ZC3H14: variants seen among roughly 807,000 people sequenced by gnomAD.
The protein encoded by ZC3H14 is zinc finger CCCH-type containing 14, also known as zinc finger CCCH domain-containing protein 14.
Under a neutral mutation model 92.4 loss-of-function variants are expected in ZC3H14, and 31 were observed. The ratio of observed to expected loss-of-function variants is 0.34; its 90% CI spans 0.25 to 0.45. The LOEUF (loss-of-function observed/expected upper bound fraction) is 0.45, where lower values mean the gene tolerates loss of function less well. Among genes scored for constraint, ZC3H14 ranks in the 20% least tolerant of loss-of-function variants. The pLI is 1.00. For synonymous variants in ZC3H14, 321 were observed against 300.9 expected, an observed-to-expected ratio of 1.07 and a Z score of -0.69; for missense variants, 781 against 897.3, an observed-to-expected ratio of 0.87 and a Z score of 1.66.
At chr14:88,603,198 C>G in intron 12 of ZC3H14, 138 bp downstream of exon 12, 1 of 839,456 alleles carries the variant, frequency 1.2e-6, no homozygotes, top group Non-Finnish European at 2.0e-6. Flanking sequence ...TTCTTTCAGA[C>G]AAACCCACCA....
chr14:88,569,402 A>C (rs920127414), intron 3 of ZC3H14, among the ~76,000 whole-genome samples: 1 of 152,092 alleles, frequency 6.6e-6, no homozygotes, highest in Non-Finnish European at 1.5e-5. Flanking sequence ...AAGTTTTTTT[A>C]AGTTTGGAAT....
chr14:88,626,948 G>T lies in ZC3H14; in HGVS notation c.*15197G>T, dbSNP rs1371129294. ...CCTGCCAGGGTCCAGAACTTCACAT[G>T]TTTTACTCCCACTGAGACAAACTGG... On this transcript the variant is annotated 3_prime_UTR_variant, in exon 17 of 17. Transcript: ENST00000251038. The T allele has an allele frequency of 1.9e-6, 3 of 1,613,916 alleles. No homozygotes were observed. The South Asian group carries it at 3.3e-5, about 18-fold the overall frequency.
Position 88,619,719 on chromosome 14 carries a change from C to A in ZC3H14, c.*7968C>A, listed in dbSNP as rs1429008728. 2 of 151,964 alleles carry A rather than the reference C, an allele frequency of 1.3e-5. No individual in the cohort carries two copies. Among genetic ancestry groups the A allele is most frequent in the African/African-American group, 2.4e-5 (1 of 41,342 alleles). The allele number at this position is 151,964 out of a possible 1,614,324, so 9.4% of individuals were successfully genotyped here. A position where few individuals can be genotyped will look rare whatever the true frequency, so the allele number is the denominator to read the frequency against. The stretch of plus-strand genomic sequence containing the variant: ...TTTTGAGACGAAGTCTCGCTCTTGT[C>A]TCCCAGGCTGGAGTGCGATGGCGCA... On this transcript the variant is annotated 3_prime_UTR_variant, in exon 17 of 17. Transcript: ENST00000251038.
Position 88,572,604 on chromosome 14 carries a change from C to G in ZC3H14, c.458C>G (p.Thr153Ser). 2 of 1,614,116 alleles carry G rather than the reference C, an allele frequency of 1.2e-6. No individual in the cohort carries two copies. Among genetic ancestry groups the G allele is most frequent in the Non-Finnish European group, 1.7e-6 (2 of 1,180,028 alleles). Residue 153 changes from threonine (T) to serine (S), a missense_variant, in exon 6 of 17, where the codon ACC becomes AGC. Thr to Ser is a moderately conservative substitution (Grantham distance 58, BLOSUM62 1). Coordinates refer to ENST00000251038, the MANE Select transcript of ZC3H14 (RefSeq NM_024824.5). ...VRQTYDDGAA[T>S]RLMSTVKPLR... ...CAGACTTACGATGATGGAGCTGCAACCCGACTAATGTCAACAGTGAAACCT... is the reference window on the plus strand; with the variant it reads ...CAGACTTACGATGATGGAGCTGCAAGCCGACTAATGTCAACAGTGAAACCT...
In ZC3H14 at chr14:88,620,607, A is replaced by G. The variant is rs1286075457; in HGVS notation, c.*8856A>G. ...AGCAAGAAGAATTAAGTAGTATACAAACAGCCATATTTTAGCATACAATTT... is the reference window on the plus strand; with the variant it reads ...AGCAAGAAGAATTAAGTAGTATACAGACAGCCATATTTTAGCATACAATTT... On this transcript the variant is annotated 3_prime_UTR_variant, in exon 17 of 17. Transcript: ENST00000251038. The surrounding 1 kb of genome is among the most constrained non-coding windows in gnomAD (Gnocchi z 4.3). The G allele has an allele frequency of 1.6e-6, 1 of 642,464 alleles. No homozygotes were observed. The highest frequency in any genetic ancestry group is 2.4e-6 in the Non-Finnish European group (1 of 415,388). The allele number at this position is 642,464 out of a possible 1,614,324, so 39.8% of individuals were successfully genotyped here.
chr14:88,592,565 G>A (rs1270670400), intron 9 of ZC3H14, among the ~76,000 whole-genome samples: 2 of 127,812 alleles, frequency 1.6e-5, no homozygotes, highest in Non-Finnish European at 3.1e-5. Context: ...CAGTGGCGCA[G>A]TCTCACTCAC....
At chr14:88,608,330 C>T in intron 13 of ZC3H14, 1 of 479,656 alleles carries the variant, frequency 2.1e-6, no homozygotes, top group South Asian at 1.6e-5. Flanking sequence ...CCCATCTCAT[C>T]CTGCAAGTGA....
chr14:88,600,929 T>C (rs1415453969), intron 10 of ZC3H14, among the ~76,000 whole-genome samples: 2 of 152,144 alleles, frequency 1.3e-5, no homozygotes, highest in African/African-American at 4.8e-5. Flanking sequence ...GCCCCTTTCC[T>C]TCTACGTGCG....
At chr14:88,563,483 C>CTGGAG in intron 1 of ZC3H14, 168 bp from the exon 2 acceptor site, 1 of 1,504,218 alleles carries the variant, frequency 6.6e-7, no homozygotes, top group Non-Finnish European at 8.8e-7. Flanking sequence ...GGGGCTGGAG[C>CTGGAG]TGGAGTGGGG....
intron 13 of ZC3H14, chr14:88,608,259 T>TC (rs1235684280): frequency 2.8e-6 from 1 of 352,920 alleles, no homozygotes; most frequent in South Asian, 2.0e-5. Context: ...GTGAATACCA[T>TC]CCCCATCTCA....
intron 2 of ZC3H14, among the ~76,000 whole-genome samples, chr14:88,566,366 C>G (rs530924025): frequency 8.5e-5 from 13 of 152,098 alleles, no homozygotes; most frequent in Non-Finnish European, 1.8e-4. Context: ...CAAGACCAAA[C>G]AGTTTGAGAA....
chr14:88,594,140 C>T (rs534201465), intron 9 of ZC3H14, among the ~76,000 whole-genome samples: 9 of 152,112 alleles, frequency 5.9e-5, no homozygotes, highest in Non-Finnish European at 1.0e-4. Context: ...ATGTTATATA[C>T]TAATTTCAAG....
rs1306599874 is a variant in ZC3H14 at position 88,624,773 on chromosome 14, G to GA, written c.*13029dup. 5 of 613,220 alleles carry GA rather than the reference G, an allele frequency of 8.2e-6. No homozygotes were observed. Among genetic ancestry groups the GA allele is most frequent in the Non-Finnish European group, 1.3e-5 (5 of 370,390 alleles). The allele number at this position is 613,220 out of a possible 1,614,324, so 38.0% of individuals were successfully genotyped here. A position where few individuals can be genotyped will look rare whatever the true frequency, so the allele number is the denominator to read the frequency against. On this transcript the variant is annotated 3_prime_UTR_variant, in exon 17 of 17. Transcript: ENST00000251038. Reference sequence around the variant, plus strand: ...CTCAGAAAAAGTATCACCCCAACATGAAAAAAATTGGAAGTGAATTAAGAC... The same window carrying GA: ...CTCAGAAAAAGTATCACCCCAACATGAAAAAAAATTGGAAGTGAATTAAGAC...
In ZC3H14 at chr14:88,618,185, C is replaced by T. The variant is rs199662255; in HGVS notation, c.*6434C>T. 1 of 1,537,022 alleles carries T rather than the reference C, an allele frequency of 6.5e-7. No individual in the cohort carries two copies. Among genetic ancestry groups the T allele is most frequent in the East Asian group, 2.3e-5 (1 of 44,434 alleles). On this transcript the variant is annotated 3_prime_UTR_variant, in exon 17 of 17. Transcript: ENST00000251038. ...TTCAGAAATAGGATTTTCTAACTGGCCTTCAAAGTCAGTTCTTGCCTTGTG... is the reference window on the plus strand; with the variant it reads ...TTCAGAAATAGGATTTTCTAACTGGTCTTCAAAGTCAGTTCTTGCCTTGTG...
Position 88,609,707 on chromosome 14 carries a change from G to T in ZC3H14, c.2006-5G>T, listed in dbSNP as rs763619950. 68 of 1,614,004 alleles carry T rather than the reference G, an allele frequency of 4.2e-5. 1 individual carries two copies. In the East Asian group the frequency reaches 1.5e-3, roughly 36 times the overall value. On this transcript the variant is annotated splice_region_variant and splice_polypyrimidine_tract_variant and intron_variant, in intron 14 of 16. Transcript: ENST00000251038. ...GGAGATCAGTCCTGGTTTTTATTTT[G>T]TTAGCAGTTGCACCACCAGCACCAC...
chr14:88,568,651 A>G (rs1304384951), intron 3 of ZC3H14, among the ~76,000 whole-genome samples: 1 of 152,206 alleles, frequency 6.6e-6, no homozygotes, highest in Non-Finnish European at 1.5e-5. Flanking sequence ...GTGGGGACAC[A>G]GAGCCAAACC....
chr14:88,616,998 A>C lies in ZC3H14; in HGVS notation c.*5247A>C. On this transcript the variant is annotated 3_prime_UTR_variant, in exon 17 of 17. Coordinates refer to ENST00000251038, the MANE Select transcript of ZC3H14 (RefSeq NM_024824.5). The stretch of plus-strand genomic sequence containing the variant: ...CTATCATGTTACTTAAAATACAGGA[A>C]GTAAATTATGGTAAGTTGTTTGGAG... The C allele has an allele frequency of 1.1e-6, 1 of 895,724 alleles. No individual in the cohort carries two copies. Among genetic ancestry groups the C allele is most frequent in the South Asian group, 2.3e-5 (1 of 43,672 alleles). 55.5% of individuals were successfully genotyped at this position (895,724 alleles called of 1,614,324 possible).
intron 9 of ZC3H14, among the ~76,000 whole-genome samples, chr14:88,596,379 T>C (rs971979344): frequency 2.6e-5 from 4 of 152,278 alleles, no homozygotes; most frequent in African/African-American, 7.2e-5. Flanking sequence ...GCCATGCTTA[T>C]TGTGCAGTTG....
chr14:88,603,392 C>A (rs778654512), intron 12 of ZC3H14, among the ~76,000 whole-genome samples: 5 of 152,162 alleles, frequency 3.3e-5, no homozygotes, highest in Non-Finnish European at 7.3e-5. Context: ...TGCCACTTTG[C>A]CCTTTTATCA....
Sources: allele counts gnomAD v4.1 joint callset (sites outside exome capture counted in the v4.1 genomes callset), GRCh38; gene constraint gnomAD v4.1.1; non-coding constraint Gnocchi (gnomAD v3.1); transcripts MANE v1.5; gene names NCBI Gene and HGNC (gene_info 2026-07-23, HGNC 2026-07-21).